ATCAY: variants seen among roughly 807,000 people sequenced by gnomAD.
The protein encoded by ATCAY is ATCAY kinesin light chain interacting caytaxin, also known as caytaxin.
In ATCAY, 22 loss-of-function variants were observed where a neutral mutation model predicts 47.7. That is an observed-to-expected ratio of 0.46 (90% CI 0.33 to 0.66). ATCAY has a LOEUF of 0.66. Among genes scored for constraint, ATCAY ranks in the 30% least tolerant of loss-of-function variants. ATCAY has a pLI of 0.02. For synonymous variants in ATCAY, 216 were observed against 207.6 expected (o/e 1.04, Z -0.35); for missense variants, 452 against 515.0 (o/e 0.88, Z 1.18).
At chr19:3,919,753 CAA>C (rs60439580) in intron 11 of ATCAY, among the ~76,000 whole-genome samples, 12 of 140,386 alleles carry the variant, frequency 8.5e-5, no homozygotes, top group South Asian at 2.3e-4. Flanking sequence ...GACCCTGTCT[CAA>C]AAAAAAAAAA....
chr19:3,885,377 A>T (rs2038640230), intron 1 of ATCAY, among the ~76,000 whole-genome samples: 1 of 151,878 alleles, frequency 6.6e-6, no homozygotes, highest in Non-Finnish European at 1.5e-5. Context: ...AACATGGCGA[A>T]ACCCTGTCTC....
intron 9 of ATCAY, among the ~76,000 whole-genome samples, chr19:3,916,473 C>A (rs187424315): frequency 5.7e-4 from 87 of 151,980 alleles, no homozygotes; most frequent in Non-Finnish European, 9.6e-4. Flanking sequence ...GAGGAACCAC[C>A]ATACTGTTTT....
chr19:3,902,671 G>T lies in ATCAY; in HGVS notation c.136+126G>T. ...CGTGGGTAGAATGTTCTGTCCTGGG[G>T]TCTATGGTGGAAGTGGCCGTGGTGG... is the stretch of plus-strand genomic sequence containing the variant. On this transcript the variant is annotated intron_variant, in intron 3 of 12. Coordinates refer to ENST00000450849, the MANE Select transcript of ATCAY (RefSeq NM_033064.5). The T allele has an allele frequency of 2.8e-6, 3 of 1,081,062 alleles. No homozygotes were observed. In the South Asian group the frequency reaches 4.6e-5, roughly 16 times the overall value. 67.0% of individuals were successfully genotyped at this position (1,081,062 alleles called of 1,614,324 possible). A position where few individuals can be genotyped will look rare whatever the true frequency, so the allele number is the denominator to read the frequency against.
intron 1 of ATCAY, among the ~76,000 whole-genome samples, chr19:3,885,499 A>T (rs1297598182): frequency 6.6e-6 from 1 of 151,634 alleles, no homozygotes; most frequent in African/African-American, 2.4e-5. Context: ...TGTTGCAGTG[A>T]GCTGAGATGG....
At chr19:3,908,693 C>CCT (rs2038890029) in intron 6 of ATCAY, among the ~76,000 whole-genome samples, 1 of 60,908 alleles carries the variant, frequency 1.6e-5, no homozygotes, top group African/African-American at 5.4e-5. Context: ...CCTTCTTCCT[C>CCT]CCCCCTCCTC....
At chr19:3,887,558 C>T (rs2038669715) in intron 2 of ATCAY, among the ~76,000 whole-genome samples, 2 of 151,260 alleles carry the variant, frequency 1.3e-5, no homozygotes, top group African/African-American at 4.8e-5. Flanking sequence ...GCGATCTTGG[C>T]TCACTGCAAG....
intron 6 of ATCAY, among the ~76,000 whole-genome samples, chr19:3,908,722 C>CTCCCCTTCCCCCTCCTCCTCCCCCTCT (rs2038891352): frequency 1.9e-5 from 1 of 53,374 alleles, no homozygotes. Flanking sequence ...TCTCCTCCTC[C>CTCCCCTTCCCCCTCCTCCTCCCCCTCT]TCCCCTTCCC....
In ATCAY at chr19:3,907,692, C is replaced by T. The variant is rs371954365; in HGVS notation, c.359-42C>T. 9.4e-5 allele frequency: 151 copies of T among 1,607,970 alleles called. No homozygotes were observed. The highest frequency in any genetic ancestry group is 3.4e-4 in the South Asian group (31 of 90,768). ...GCTGAGCAGGAGGGCAGGAGATATC[C>T]GGACTCTGGCGTCCATGCGACTCTC... On this transcript the variant is annotated intron_variant, in intron 4 of 12. Transcript: ENST00000450849. This position sits in a 1 kb window ranked among gnomAD's most constrained non-coding sequence, Gnocchi z 5.1.
intron 6 of ATCAY, among the ~76,000 whole-genome samples, chr19:3,908,961 A>T (rs1599290313): frequency 1.6e-5 from 1 of 60,874 alleles, no homozygotes; most frequent in Non-Finnish European, 2.9e-5. Context: ...CTGAGATGGC[A>T]CCACTGCACT....
At chr19:3,922,082 C>G (rs976253824) in intron 12 of ATCAY, 1 of 691,784 alleles carries the variant, frequency 1.4e-6, no homozygotes, top group Admixed American at 2.1e-5. Context: ...AGAAGCTGAC[C>G]CAAGCCTTTC....
intron 2 of ATCAY, among the ~76,000 whole-genome samples, chr19:3,886,593 G>GAA (rs374891496): frequency 1.1e-4 from 13 of 123,744 alleles, no homozygotes; most frequent in Admixed American, 1.6e-4. Context: ...CATCTCAAAA[G>GAA]AAAAAAAAAA....
chr19:3,908,493 G>C (rs764831049), intron 6 of ATCAY, 123 bp downstream of exon 6: 261 of 908,672 alleles, frequency 2.9e-4, no homozygotes, highest in Non-Finnish European at 4.2e-4. Flanking sequence ...AGGGAAGGGC[G>C]TGGTGGCCAC....
At chr19:3,903,000 G>A (rs2038828386) in intron 3 of ATCAY, among the ~76,000 whole-genome samples, 1 of 152,104 alleles carries the variant, frequency 6.6e-6, no homozygotes, top group Non-Finnish European at 1.5e-5. Flanking sequence ...GGGAGACCGG[G>A]TCACACTCTG....
chr19:3,912,597 C>T lies in ATCAY; in HGVS notation c.867-1161C>T, dbSNP rs541656485. On this transcript the variant is annotated intron_variant, in intron 8 of 12. Coordinates refer to ENST00000450849, the MANE Select transcript of ATCAY (RefSeq NM_033064.5). Reference sequence around the variant, plus strand: ...AGTGAAAAAAATTTTTTTTTAAATACGGCCAGGTGTGGTGACCCAGGCTTG... The same window carrying T: ...AGTGAAAAAAATTTTTTTTTAAATATGGCCAGGTGTGGTGACCCAGGCTTG... Among the ~76,000 whole-genome samples, 8 of 151,984 alleles carry T rather than the reference C, an allele frequency of 5.3e-5. No homozygotes were observed. The East Asian group carries it at 1.6e-3, about 30-fold the overall frequency.
chr19:3,910,861 G>A lies in ATCAY; in HGVS notation c.838G>A (p.Val280Met). The change falls in exon 8 of 13, where the codon GTG becomes ATG. Residue 280 changes from valine to methionine, a missense_variant. Coordinates refer to ENST00000450849, the MANE Select transcript of ATCAY (RefSeq NM_033064.5). ...CCACCCCTCGTGGTTCATTCGGACT[G>A]TGCTGGCCATCTCTCGCCCTTTCAT... is the stretch of plus-strand genomic sequence containing the variant. Reference protein sequence around the residue: ...IVHPSWFIRTVLAISRPFISV... With the variant: ...IVHPSWFIRTMLAISRPFISV... 1.2e-6 allele frequency: 2 copies of A among 1,614,024 alleles called. No individual in the cohort carries two copies. The highest frequency in any genetic ancestry group is 1.3e-5 in the African/African-American group (1 of 75,048).
At chr19:3,894,478 C>A (rs1280475317) in intron 2 of ATCAY, among the ~76,000 whole-genome samples, 2 of 134,220 alleles carry the variant, frequency 1.5e-5, no homozygotes, top group Non-Finnish European at 1.6e-5. Flanking sequence ...AGTGAGACTC[C>A]GTCTCAAAAA....
chr19:3,908,650 C>T (rs2038888980), intron 6 of ATCAY, among the ~76,000 whole-genome samples: 1 of 111,820 alleles, frequency 8.9e-6, no homozygotes, highest in African/African-American at 4.2e-5. Flanking sequence ...CCTTCTTCCT[C>T]CCCCTTCCCC....
chr19:3,917,307 G>A (rs985620861), intron 9 of ATCAY, among the ~76,000 whole-genome samples: 7 of 151,320 alleles, frequency 4.6e-5, no homozygotes, highest in African/African-American at 1.5e-4. Context: ...AGAAGAGGCC[G>A]GGCGCGGTGG....
In ATCAY at chr19:3,907,503, C is replaced by T. The variant is rs1403968720; in HGVS notation, c.359-231C>T. Among the ~76,000 whole-genome samples the T allele has an allele frequency of 6.6e-6, 1 of 152,164 alleles. No homozygotes were observed. The highest frequency in any genetic ancestry group is 1.5e-5 in the Non-Finnish European group (1 of 68,032). Reference sequence around the variant, plus strand: ...TTAACCAACAGAGTGCCCTGGGAGGCCAGCAAAGGGAATGTCCAGAAAGGC... The same window carrying T: ...TTAACCAACAGAGTGCCCTGGGAGGTCAGCAAAGGGAATGTCCAGAAAGGC... On this transcript the variant is annotated intron_variant, in intron 4 of 12. Transcript: ENST00000450849. This position sits in a 1 kb window ranked among gnomAD's most constrained non-coding sequence, Gnocchi z 5.1.
Sources: allele counts gnomAD v4.1 joint callset (sites outside exome capture counted in the v4.1 genomes callset), GRCh38; gene constraint gnomAD v4.1.1; non-coding constraint Gnocchi (gnomAD v3.1); transcripts MANE v1.5; gene names NCBI Gene and HGNC (gene_info 2026-07-23, HGNC 2026-07-21).